The following NUDT3 variants were observed in gnomAD, a reference collection of about 807,000 sequenced individuals.
NUDT3 encodes nudix hydrolase 3.
A neutral mutation model predicts 23.6 loss-of-function variants in NUDT3; 9 were observed. The observed-to-expected ratio is 0.38, with a 90% CI of 0.23 to 0.66. NUDT3 has a LOEUF of 0.66. Ranked by LOEUF, NUDT3 falls within the 30% of genes least tolerant of loss-of-function variation. NUDT3 has a pLI of 0.52. For synonymous variants in NUDT3, 86 were observed against 82.6 expected, an observed-to-expected ratio of 1.04 and a Z score of -0.22; for missense variants, 172 against 218.5, an observed-to-expected ratio of 0.79 and a Z score of 1.34.
At chr6:34,345,390 G>A (rs555056424) in intron 1 of NUDT3, among the ~76,000 whole-genome samples, 5 of 151,996 alleles carry the variant, frequency 3.3e-5, no homozygotes, top group African/African-American at 9.6e-5. Context: ...TCGGCTGGGC[G>A]TGGTAGCTCA....
At chr6:34,331,577 AG>A (rs1253111155) in intron 2 of NUDT3, among the ~76,000 whole-genome samples, 1 of 152,234 alleles carries the variant, frequency 6.6e-6, no homozygotes, top group Non-Finnish European at 1.5e-5. Context: ...CTATTAGGAT[AG>A]AAGTGAGGAA....
At chr6:34,360,372 G>A (rs1307626203) in intron 1 of NUDT3, among the ~76,000 whole-genome samples, 8 of 151,814 alleles carry the variant, frequency 5.3e-5, no homozygotes, top group African/African-American at 1.5e-4. Context: ...TCAGGAATTC[G>A]AGACCAGCCT....
intron 2 of NUDT3, 67 bp from the exon 3 acceptor site, chr6:34,295,752 TTA>T: frequency 6.3e-7 from 1 of 1,588,580 alleles, no homozygotes; most frequent in Admixed American, 1.8e-5. Context: ...CTGAGTCTTC[TTA>T]AGCAGTTTAT....
chr6:34,297,760 ATTT>A (rs1348385184), intron 2 of NUDT3, among the ~76,000 whole-genome samples: 1 of 53,654 alleles, frequency 1.9e-5, no homozygotes, highest in Admixed American at 2.6e-4. Context: ...TATATATATA[ATTT>A]TTTTTTTTTT....
At chr6:34,307,491 G>A (rs1455193968) in intron 2 of NUDT3, among the ~76,000 whole-genome samples, 2 of 151,990 alleles carry the variant, frequency 1.3e-5, no homozygotes, top group Non-Finnish European at 2.9e-5. Context: ...TGGGAGGATC[G>A]CTTGAGCCCA....
intron 1 of NUDT3, among the ~76,000 whole-genome samples, chr6:34,390,299 A>C (rs1376379548): frequency 1.3e-5 from 2 of 151,670 alleles, no homozygotes; most frequent in African/African-American, 4.8e-5. Context: ...GTCTCAAAAA[A>C]AAAAAAGAAA....
intron 2 of NUDT3, among the ~76,000 whole-genome samples, chr6:34,308,116 T>A (rs1195964906): frequency 2.3e-5 from 1 of 43,156 alleles, no homozygotes; most frequent in Admixed American, 3.7e-4. Context: ...AGAAACTCTG[T>A]CTCAAAAAAA....
chr6:34,297,755 ATATAATTTTTT>A (rs1763533907), intron 2 of NUDT3, among the ~76,000 whole-genome samples: 40 of 90,382 alleles, frequency 4.4e-4, no homozygotes, highest in African/African-American at 2.1e-3. Flanking sequence ...ATATATATAT[ATATAATTTTTT>A]TTTTTTTTTT....
At chr6:34,293,358 G>A (rs1388931420) in intron 4 of NUDT3, 93 bp downstream of exon 4, 11 of 1,454,374 alleles carry the variant, frequency 7.6e-6, no homozygotes, top group Non-Finnish European at 9.6e-6. Context: ...CACTGAGCCT[G>A]GTACGCTCTT....
intron 2 of NUDT3, among the ~76,000 whole-genome samples, chr6:34,296,778 G>A (rs1763506129): frequency 6.6e-6 from 1 of 152,106 alleles, no homozygotes; most frequent in Non-Finnish European, 1.5e-5. Context: ...ACAATATGGT[G>A]GAAGAGAGTT....
At chr6:34,296,056 A>G (rs1763494809) in intron 2 of NUDT3, among the ~76,000 whole-genome samples, 1 of 152,212 alleles carries the variant, frequency 6.6e-6, no homozygotes, top group Non-Finnish European at 1.5e-5. Context: ...TCGCTTGAGG[A>G]TAAGAGTTCA....
chr6:34,346,711 C>T (rs974138442), intron 1 of NUDT3, among the ~76,000 whole-genome samples: 44 of 151,972 alleles, frequency 2.9e-4, no homozygotes, highest in African/African-American at 9.7e-4. Flanking sequence ...CGGTAAGTTT[C>T]CTTGACAACC....
intron 2 of NUDT3, among the ~76,000 whole-genome samples, chr6:34,324,568 C>A (rs1241169237): frequency 6.6e-6 from 1 of 152,200 alleles, no homozygotes; most frequent in African/African-American, 2.4e-5. Flanking sequence ...CTGCACCCAG[C>A]ATGTCTCCAT....
chr6:34,372,016 C>T (rs62399909), intron 1 of NUDT3, among the ~76,000 whole-genome samples: 8 of 151,738 alleles, frequency 5.3e-5, no homozygotes, highest in Admixed American at 4.6e-4. Context: ...TCCTTGCGAT[C>T]GTTTGCTCAG....
At chr6:34,375,109 G>A (rs896550562) in intron 1 of NUDT3, among the ~76,000 whole-genome samples, 4 of 152,268 alleles carry the variant, frequency 2.6e-5, no homozygotes, top group Admixed American at 6.5e-5. Flanking sequence ...CACTTTGGCC[G>A]AGGTAGGCGG....
chr6:34,333,226 C>T (rs968956648), intron 2 of NUDT3, among the ~76,000 whole-genome samples: 2 of 152,162 alleles, frequency 1.3e-5, no homozygotes, highest in African/African-American at 4.8e-5. Flanking sequence ...CATGTGATTG[C>T]TAATGTGTCA....
chr6:34,390,033 A>C (rs921373575), intron 1 of NUDT3, among the ~76,000 whole-genome samples: 8 of 151,440 alleles, frequency 5.3e-5, no homozygotes, highest in South Asian at 4.2e-4. Context: ...GCTACTCGGG[A>C]GGCTGAGGCA....
intron 1 of NUDT3, among the ~76,000 whole-genome samples, chr6:34,377,751 T>C (rs1350679887): frequency 6.6e-6 from 1 of 150,418 alleles, no homozygotes; most frequent in Non-Finnish European, 1.5e-5. Flanking sequence ...GAGAATCGCT[T>C]GACCCTGGGA....
chr6:34,301,410 G>A (rs766613071), intron 2 of NUDT3, among the ~76,000 whole-genome samples: 3 of 152,188 alleles, frequency 2.0e-5, no homozygotes, highest in Non-Finnish European at 4.4e-5. Context: ...GACTTGCCTT[G>A]TGTCTTCGGC....
Sources: allele counts gnomAD v4.1 joint callset (sites outside exome capture counted in the v4.1 genomes callset), GRCh38; gene constraint gnomAD v4.1.1; transcripts MANE v1.5; gene names NCBI Gene and HGNC (gene_info 2026-07-23, HGNC 2026-07-21).